The following CDH20 variants were observed in gnomAD, a reference collection of about 807,000 sequenced individuals.
CDH20 encodes the protein cadherin 20.
A neutral mutation model predicts 74.2 loss-of-function variants in CDH20; 29 were observed. The observed-to-expected ratio is 0.39, with a 90% CI of 0.29 to 0.53. The LOEUF is 0.53. CDH20 is among the 20% of genes least tolerant of loss of function. The probability of loss-of-function intolerance (pLI) is 0.69; values close to 1 mark genes in which losing one functional copy is unlikely to be tolerated. For missense variants in CDH20, 988 were observed against 1,048.3 expected, an observed-to-expected ratio of 0.94 and a Z score of 0.79; for synonymous variants, 469 against 405.4, an observed-to-expected ratio of 1.16 and a Z score of -1.88.
chr18:61,347,523 G>A (rs1910168132), intron 1 of CDH20, among the ~76,000 whole-genome samples: 1 of 147,238 alleles, frequency 6.8e-6, no homozygotes, highest in African/African-American at 2.5e-5. Flanking sequence ...CTGCCTCAGG[G>A]AAAAAAACAA....
intron 1 of CDH20, among the ~76,000 whole-genome samples, chr18:61,482,139 G>A (rs1440271372): frequency 6.6e-6 from 1 of 152,060 alleles, no homozygotes; most frequent in Non-Finnish European, 1.5e-5. Flanking sequence ...TCTCAGGGAG[G>A]GGTGAGGTGT....
chr18:61,373,318 A>G (rs1245791866), intron 1 of CDH20, among the ~76,000 whole-genome samples: 3 of 151,910 alleles, frequency 2.0e-5, no homozygotes, highest in Non-Finnish European at 4.4e-5. Context: ...CTCCAATAAG[A>G]GTGACTTTTA....
intron 7 of CDH20, among the ~76,000 whole-genome samples, chr18:61,528,944 C>T (rs1380590074): frequency 2.6e-5 from 4 of 152,198 alleles, no homozygotes; most frequent in African/African-American, 4.8e-5. Flanking sequence ...ACTGGCCAGA[C>T]AGATGGGTCT....
At chr18:61,396,157 A>T (rs1476801042) in intron 1 of CDH20, among the ~76,000 whole-genome samples, 4 of 151,860 alleles carry the variant, frequency 2.6e-5, no homozygotes, top group Non-Finnish European at 1.5e-5. Context: ...CTTTAACCTT[A>T]ATAGCTATTT....
At chr18:61,525,713 AAAAAAAAC>A (rs1912373097) in intron 6 of CDH20, among the ~76,000 whole-genome samples, 1 of 151,980 alleles carries the variant, frequency 6.6e-6, no homozygotes, top group Non-Finnish European at 1.5e-5. Flanking sequence ...GCAACAAAAC[AAAAAAAAC>A]TTTATTAAAA....
At chr18:61,540,093 C>T (rs1490671245) in intron 9 of CDH20, among the ~76,000 whole-genome samples, 1 of 152,190 alleles carries the variant, frequency 6.6e-6, no homozygotes, top group Admixed American at 6.5e-5. Flanking sequence ...ATCTGTCCAT[C>T]TCCTCCATTC....
At chr18:61,386,957 T>G (rs969135058) in intron 1 of CDH20, among the ~76,000 whole-genome samples, 2 of 152,222 alleles carry the variant, frequency 1.3e-5, no homozygotes, top group African/African-American at 4.8e-5. Flanking sequence ...TTTATCCATT[T>G]CTACATTTTA....
At chr18:61,366,445 A>T (rs1910863583) in intron 1 of CDH20, among the ~76,000 whole-genome samples, 1 of 152,212 alleles carries the variant, frequency 6.6e-6, no homozygotes, top group Admixed American at 6.5e-5. Flanking sequence ...TAATGTTTGT[A>T]ATATGAATAT....
chr18:61,401,843 C>A (rs1026576951), intron 1 of CDH20, among the ~76,000 whole-genome samples: 2 of 152,100 alleles, frequency 1.3e-5, no homozygotes, highest in African/African-American at 4.8e-5. Context: ...AAGAGACTCT[C>A]CTTCAGAAGA....
At position 61,554,269 on chromosome 18, in the gene CDH20, G is replaced by C; in HGVS notation, c.1980G>C (p.Glu660Asp). ...YIIDDEENIH[E>D]NIVRYDDEGG... ...TCGACGACGAGGAAAACATCCACGA[G>C]AACATCGTCCGCTACGACGACGAGG... Residue 660 changes from glutamate (E) to aspartate (D), a missense_variant, in exon 12 of 12, where the codon GAG becomes GAC. Transcript: ENST00000262717. 1 of 1,614,070 alleles carries C rather than the reference G, an allele frequency of 6.2e-7. No individual in the cohort carries two copies. The highest frequency in any genetic ancestry group is 8.5e-7 in the Non-Finnish European group (1 of 1,180,018).
At chr18:61,484,654 T>C (rs1278150765) in intron 1 of CDH20, among the ~76,000 whole-genome samples, 1 of 152,046 alleles carries the variant, frequency 6.6e-6, no homozygotes, top group Non-Finnish European at 1.5e-5. Context: ...TGGCAAGTTT[T>C]ATTATGGGAC....
chr18:61,385,464 A>G (rs1316855736), intron 1 of CDH20, among the ~76,000 whole-genome samples: 2 of 152,168 alleles, frequency 1.3e-5, no homozygotes, highest in Non-Finnish European at 2.9e-5. Flanking sequence ...ATATTTCACT[A>G]CACTCAAAAC....
At chr18:61,525,373 C>T (rs1912358014) in intron 6 of CDH20, among the ~76,000 whole-genome samples, 1 of 152,066 alleles carries the variant, frequency 6.6e-6, no homozygotes. Context: ...ACAACGGTGT[C>T]CACAACTGTG....
At chr18:61,503,516 C>A (rs1021006224) in intron 5 of CDH20, among the ~76,000 whole-genome samples, 2 of 152,110 alleles carry the variant, frequency 1.3e-5, no homozygotes, top group African/African-American at 4.8e-5. Context: ...TTTTTGCCCC[C>A]AGGGGGCCAT....
At chr18:61,477,458 T>C (rs1370656127) in intron 1 of CDH20, among the ~76,000 whole-genome samples, 1 of 152,208 alleles carries the variant, frequency 6.6e-6, no homozygotes, top group African/African-American at 2.4e-5. Context: ...AGTGGCTAAA[T>C]TCTGTTTTCT....
chr18:61,423,694 A>G (rs534837509), intron 1 of CDH20, among the ~76,000 whole-genome samples: 3 of 152,096 alleles, frequency 2.0e-5, no homozygotes, highest in African/African-American at 7.2e-5. Flanking sequence ...TCCAGCCTTC[A>G]CCCCATAAAA....
intron 1 of CDH20, among the ~76,000 whole-genome samples, chr18:61,359,143 T>C (rs976989683): frequency 6.6e-6 from 1 of 152,178 alleles, no homozygotes; most frequent in Admixed American, 6.5e-5. Context: ...TATCTGAGTT[T>C]TGTTTCTGAT....
intron 6 of CDH20, among the ~76,000 whole-genome samples, chr18:61,523,400 A>C (rs912567890): frequency 6.6e-6 from 1 of 152,182 alleles, no homozygotes; most frequent in Admixed American, 6.5e-5. Flanking sequence ...GGTGATCATT[A>C]AAAAAGTCAG....
At chr18:61,509,810 G>A (rs538083400) in intron 6 of CDH20, among the ~76,000 whole-genome samples, 25 of 152,272 alleles carry the variant, frequency 1.6e-4, no homozygotes, top group African/African-American at 5.3e-4. Flanking sequence ...CACCTAAGTA[G>A]TGGGAATGGA....
Sources: gnomAD v4.1 joint callset for allele counts (sites outside exome capture counted in the v4.1 genomes callset) on GRCh38, gnomAD v4.1.1 for gene constraint, MANE v1.5 for transcripts, NCBI Gene and HGNC (gene_info 2026-07-23, HGNC 2026-07-21) for gene names.